HS2ST1: variants seen among roughly 807,000 people sequenced by gnomAD.
HS2ST1 encodes 2-O-sulfotransferase.
HS2ST1 carries 18 observed loss-of-function variants against 42.9 expected under a neutral mutation model. The observed-to-expected ratio is 0.42, with a 90% CI of 0.29 to 0.62. The LOEUF (loss-of-function observed/expected upper bound fraction) is 0.62. Ranked by LOEUF, HS2ST1 falls within the 20% of genes least tolerant of loss-of-function variation. The probability of loss-of-function intolerance (pLI) is 0.21; values close to 1 mark genes in which losing one functional copy is unlikely to be tolerated. For missense variants in HS2ST1, 334 were observed against 433.8 expected (o/e 0.77, Z 2.04); for synonymous variants, 146 against 152.9 (o/e 0.95, Z 0.33).
At chr1:87,077,422 C>T (rs1225181470) in intron 2 of HS2ST1, among the ~76,000 whole-genome samples, 1 of 152,208 alleles carries the variant, frequency 6.6e-6, no homozygotes, top group Non-Finnish European at 1.5e-5. Context: ...TTAGAATGCA[C>T]TTCTCCTGGC....
intron 1 of HS2ST1, among the ~76,000 whole-genome samples, chr1:87,032,156 C>T (rs913834342): frequency 1.3e-5 from 2 of 152,140 alleles, no homozygotes; most frequent in African/African-American, 4.8e-5. Flanking sequence ...TCAGTAAACA[C>T]TGTTCTGCAA....
intron 2 of HS2ST1, among the ~76,000 whole-genome samples, chr1:87,074,775 G>A (rs1480334167): frequency 1.3e-5 from 2 of 152,006 alleles, no homozygotes; most frequent in Non-Finnish European, 2.9e-5. Context: ...AAAAATGTTT[G>A]TGTGGGGCAG....
At chr1:86,960,166 C>A (rs924625957) in intron 1 of HS2ST1, among the ~76,000 whole-genome samples, 1 of 147,692 alleles carries the variant, frequency 6.8e-6, no homozygotes, top group Non-Finnish European at 1.5e-5. Context: ...CAAGGAAAAA[C>A]GGTAATTTTT....
chr1:87,062,863 G>A (rs1227251016), intron 1 of HS2ST1, among the ~76,000 whole-genome samples: 1 of 152,216 alleles, frequency 6.6e-6, no homozygotes, highest in Middle Eastern at 3.4e-3. Context: ...TTGGCTCCAT[G>A]GTTCGTGATA....
chr1:86,970,723 G>A (rs905346317), intron 1 of HS2ST1, among the ~76,000 whole-genome samples: 1 of 152,106 alleles, frequency 6.6e-6, no homozygotes, highest in Non-Finnish European at 1.5e-5. Flanking sequence ...TTCCGGTGAT[G>A]GCATGAGTGA....
chr1:87,020,103 T>A (rs540959901), intron 1 of HS2ST1, among the ~76,000 whole-genome samples: 2 of 152,338 alleles, frequency 1.3e-5, no homozygotes, highest in East Asian at 3.9e-4. Flanking sequence ...TTTTGGCCTT[T>A]TTATTACGTG....
rs1469783688 is a variant in HS2ST1 at position 86,914,661 on chromosome 1, C to G, written c.-376C>G. On this transcript the variant is annotated 5_prime_UTR_variant, in exon 1 of 7. Coordinates refer to ENST00000370550, the MANE Select transcript of HS2ST1 (RefSeq NM_012262.4). Reference sequence around the variant, plus strand: ...CAGCCGCAGCGCCGGTGGAGGGGCGCGCGGCCGCGAGCAAAGGAGGGAGGG... The same window carrying G: ...CAGCCGCAGCGCCGGTGGAGGGGCGGGCGGCCGCGAGCAAAGGAGGGAGGG... 3 of 209,186 alleles carry G rather than the reference C, an allele frequency of 1.4e-5. No homozygotes were observed. Among genetic ancestry groups the G allele is most frequent in the African/African-American group, 2.5e-5 (1 of 40,080 alleles). 13.0% of individuals were successfully genotyped at this position (209,186 alleles called of 1,614,324 possible).
intron 1 of HS2ST1, among the ~76,000 whole-genome samples, chr1:87,015,490 G>A (rs1649727707): frequency 1.3e-5 from 2 of 151,864 alleles, no homozygotes; most frequent in South Asian, 4.1e-4. Flanking sequence ...GGGACTACAG[G>A]TGCCCCACCA....
At chr1:86,936,128 T>A (rs1660649390) in intron 1 of HS2ST1, among the ~76,000 whole-genome samples, 1 of 152,168 alleles carries the variant, frequency 6.6e-6, no homozygotes, top group Admixed American at 6.5e-5. Context: ...TTCTGAAGAG[T>A]AAAAATGGTG....
intron 5 of HS2ST1, among the ~76,000 whole-genome samples, chr1:87,101,954 A>T (rs111873546): frequency 0.021 from 3,128 of 152,328 alleles, 96 homozygotes; most frequent in African/African-American, 0.064. Context: ...TGCAGGCCTC[A>T]GGAAGCTTAC....
intron 1 of HS2ST1, among the ~76,000 whole-genome samples, chr1:86,923,741 C>T (rs1293679618): frequency 6.6e-6 from 1 of 152,160 alleles, no homozygotes; most frequent in Non-Finnish European, 1.5e-5. Flanking sequence ...GACTTATTCA[C>T]TATCATGGGA....
chr1:86,992,363 T>A (rs1467719639), intron 1 of HS2ST1, among the ~76,000 whole-genome samples: 1 of 112,918 alleles, frequency 8.9e-6, no homozygotes. Context: ...TTTCTCTTTC[T>A]TTTTTTTTTT....
chr1:87,062,260 A>G (rs1651137408), intron 1 of HS2ST1, among the ~76,000 whole-genome samples: 1 of 146,778 alleles, frequency 6.8e-6, no homozygotes, highest in Admixed American at 6.7e-5. Flanking sequence ...TGTTTTTTTC[A>G]CTTCTGTTTT....
chr1:87,064,133 G>C lies in HS2ST1; in HGVS notation c.125-8801G>C, dbSNP rs568415190. ...TTCCTATGAAATTGGCTACTGTAGA[G>C]TGGTTATTATCTAAGCTTTCTATCT... On this transcript the variant is annotated intron_variant, in intron 1 of 6. Coordinates refer to ENST00000370550, the MANE Select transcript of HS2ST1 (RefSeq NM_012262.4). Among the ~76,000 whole-genome samples, 7 of 152,296 alleles carry C rather than the reference G, an allele frequency of 4.6e-5. No homozygotes were observed. In the South Asian group the frequency reaches 1.5e-3, roughly 32 times the overall value.
intron 1 of HS2ST1, among the ~76,000 whole-genome samples, chr1:87,072,102 CA>C (rs1651427424): frequency 6.6e-6 from 1 of 152,034 alleles, no homozygotes; most frequent in African/African-American, 2.4e-5. Flanking sequence ...TACTAGAAAG[CA>C]AAATGTAACT....
chr1:86,984,759 T>C (rs1648705575), intron 1 of HS2ST1, among the ~76,000 whole-genome samples: 1 of 151,404 alleles, frequency 6.6e-6, no homozygotes, highest in Non-Finnish European at 1.5e-5. Context: ...AATACTAAAA[T>C]AAAAAATTAG....
chr1:87,033,443 T>C (rs1456737937), intron 1 of HS2ST1, among the ~76,000 whole-genome samples: 3 of 152,246 alleles, frequency 2.0e-5, no homozygotes, highest in Admixed American at 6.5e-5. Context: ...GTGCAGTGTA[T>C]GAAATGCCTT....
chr1:87,050,351 A>G (rs867400817), intron 1 of HS2ST1, among the ~76,000 whole-genome samples: 4 of 151,714 alleles, frequency 2.6e-5, no homozygotes, highest in South Asian at 2.1e-4. Context: ...TAAAATTTCT[A>G]TTTTCTTTAT....
At chr1:87,088,488 T>G (rs1410763900) in intron 3 of HS2ST1, among the ~76,000 whole-genome samples, 1 of 152,108 alleles carries the variant, frequency 6.6e-6, no homozygotes, top group Non-Finnish European at 1.5e-5. Context: ...AGGTTGTTTA[T>G]GGCTTTTGGT....
Sources: gnomAD v4.1 joint callset for allele counts (sites outside exome capture counted in the v4.1 genomes callset) on GRCh38, gnomAD v4.1.1 for gene constraint, MANE v1.5 for transcripts, NCBI Gene and HGNC (gene_info 2026-07-23, HGNC 2026-07-21) for gene names.